ARHGAP20: variants seen among roughly 807,000 people sequenced by gnomAD.
ARHGAP20 encodes the protein Rho GTPase activating protein 20, also known as rho GTPase-activating protein 20.
A neutral mutation model predicts 73.7 loss-of-function variants in ARHGAP20; 34 were observed. That is an observed-to-expected ratio of 0.46 (90% CI 0.35 to 0.61). The LOEUF is 0.61. ARHGAP20 is among the 20% of genes least tolerant of loss of function. The pLI, the probability that ARHGAP20 is intolerant of heterozygous loss-of-function variation, is 0.00. For missense variants in ARHGAP20, 1,314 were observed against 1,420.9 expected (o/e 0.92, Z 1.21); for synonymous variants, 523 against 518.2 (o/e 1.01, Z -0.13).
chr11:110,641,249 G>A (rs1565453793), intron 2 of ARHGAP20, among the ~76,000 whole-genome samples: 2 of 151,816 alleles, frequency 1.3e-5, no homozygotes, highest in South Asian at 2.1e-4. Context: ...TAGAAGGAGA[G>A]AGTGAAGGTC....
At chr11:110,597,567 G>A (rs1404304640) in intron 9 of ARHGAP20, among the ~76,000 whole-genome samples, 1 of 151,962 alleles carries the variant, frequency 6.6e-6, no homozygotes, top group African/African-American at 2.4e-5. Flanking sequence ...CAAAGTGCTG[G>A]GATTACAGGC....
intron 9 of ARHGAP20, among the ~76,000 whole-genome samples, chr11:110,606,007 T>C (rs1948218316): frequency 6.6e-6 from 1 of 152,250 alleles, no homozygotes; most frequent in African/African-American, 2.4e-5. Context: ...TTCTCTTATA[T>C]TGAAGATCAC....
In ARHGAP20 at chr11:110,586,330, A is replaced by C. The variant is rs547961743; in HGVS notation, c.1306-5T>G. On this transcript the variant is annotated splice_region_variant and splice_polypyrimidine_tract_variant and intron_variant, in intron 11 of 14. Coordinates refer to ENST00000683387, the MANE Select transcript of ARHGAP20 (RefSeq NM_001384657.1). Reference sequence around the variant, plus strand: ...TGGAATATTTCGCAGAAAATCCTTAAATAGATGGAAAAACAAATATTTCAA... The same window carrying C: ...TGGAATATTTCGCAGAAAATCCTTACATAGATGGAAAAACAAATATTTCAA... The C allele has an allele frequency of 4.1e-5, 61 of 1,490,714 alleles. No homozygotes were observed. In the South Asian group the frequency reaches 7.6e-4, roughly 19 times the overall value. 92.3% of individuals were successfully genotyped at this position (1,490,714 alleles called of 1,614,324 possible). A position where few individuals can be genotyped will look rare whatever the true frequency, so the allele number is the denominator to read the frequency against.
In ARHGAP20 at chr11:110,580,394, T is replaced by A. The variant is rs1319159632; in HGVS notation, c.2552A>T (p.Glu851Val). Residue 851 changes from glutamate to valine, a missense_variant, in exon 15 of 15, where the codon GAA becomes GTA. Transcript: ENST00000683387. ...ATAGGTCAGCTTGCGGTTCTGGTCTTCTATGTTGGGCTCTGAGCAGCGCCG... is the reference window on the plus strand; with the variant it reads ...ATAGGTCAGCTTGCGGTTCTGGTCTACTATGTTGGGCTCTGAGCAGCGCCG... ...THRRCSEPNI[E>V]DQNRKLTYLR... 2.5e-6 allele frequency: 4 copies of A among 1,614,264 alleles called. No homozygotes were observed. The Admixed American group carries it at 6.7e-5, about 27-fold the overall frequency.
intron 2 of ARHGAP20, among the ~76,000 whole-genome samples, chr11:110,644,140 G>T (rs1720328221): frequency 1.3e-5 from 2 of 151,966 alleles, no homozygotes; most frequent in Admixed American, 1.3e-4. Context: ...CTACACTTTT[G>T]AAAGACATCT....
At chr11:110,690,691 T>G in intron 1 of ARHGAP20, 62 bp from the exon 2 acceptor site, 1 of 1,513,766 alleles carries the variant, frequency 6.6e-7, no homozygotes, top group South Asian at 1.1e-5. Flanking sequence ...AATGTTGATT[T>G]TTTTTTAAAT....
chr11:110,664,455 G>A (rs12289042), intron 2 of ARHGAP20, among the ~76,000 whole-genome samples: 4,034 of 152,162 alleles, frequency 0.027, 162 homozygotes, highest in African/African-American at 0.091. Flanking sequence ...GGGGCCAGGC[G>A]CAATGGCTCA....
At chr11:110,589,131 A>T (rs916104331) in intron 11 of ARHGAP20, among the ~76,000 whole-genome samples, 7 of 152,318 alleles carry the variant, frequency 4.6e-5, no homozygotes, top group African/African-American at 9.6e-5. Flanking sequence ...GATATATATA[A>T]AAAAGGAAAA....
chr11:110,653,105 A>G (rs1467484304), intron 2 of ARHGAP20, among the ~76,000 whole-genome samples: 2 of 152,218 alleles, frequency 1.3e-5, no homozygotes, highest in African/African-American at 2.4e-5. Flanking sequence ...GTAAAACCCC[A>G]AACTATAAAA....
At chr11:110,710,096 C>G (rs915132495) in intron 1 of ARHGAP20, among the ~76,000 whole-genome samples, 1 of 152,158 alleles carries the variant, frequency 6.6e-6, no homozygotes, top group Non-Finnish European at 1.5e-5. Flanking sequence ...AGATTTTTGG[C>G]TTGAACAACT....
rs1412811274 is a variant in ARHGAP20, at chr11:110,590,817, G to A, written c.1144-8C>T. 1.2e-6 allele frequency: 2 copies of A among 1,608,722 alleles called. No homozygotes were observed. The highest frequency in any genetic ancestry group is 8.5e-7 in the Non-Finnish European group (1 of 1,178,142). On this transcript the variant is annotated splice_region_variant and splice_polypyrimidine_tract_variant and intron_variant, in intron 10 of 14. Coordinates refer to ENST00000683387, the MANE Select transcript of ARHGAP20 (RefSeq NM_001384657.1). ...AAGAAAGAAAAGCATATCCTATGGGGAAGCAAAGGAAAATAAACAAAATGA... is the reference window on the plus strand; with the variant it reads ...AAGAAAGAAAAGCATATCCTATGGGAAAGCAAAGGAAAATAAACAAAATGA...
intron 4 of ARHGAP20, among the ~76,000 whole-genome samples, chr11:110,619,655 G>A (rs1948582493): frequency 6.6e-6 from 1 of 151,862 alleles, no homozygotes; most frequent in African/African-American, 2.4e-5. Flanking sequence ...TAGAGTATAT[G>A]TAGTGATAGA....
At chr11:110,711,002 A>C (rs1229896646) in intron 1 of ARHGAP20, among the ~76,000 whole-genome samples, 1 of 138,588 alleles carries the variant, frequency 7.2e-6, no homozygotes. Flanking sequence ...CACTAAGACA[A>C]GGCAAAAAAA....
chr11:110,585,228 A>T (rs28376023), intron 12 of ARHGAP20, among the ~76,000 whole-genome samples: 3,446 of 152,012 alleles, frequency 0.023, 115 homozygotes, highest in African/African-American at 0.073. Flanking sequence ...CTCATAAACG[A>T]TTTAAACAAA....
chr11:110,630,862 T>C (rs1948846379), intron 2 of ARHGAP20, 70 bp from the exon 3 acceptor site: 3 of 1,515,772 alleles, frequency 2.0e-6, no homozygotes, highest in African/African-American at 2.8e-5. Flanking sequence ...TACAAAATTC[T>C]GTAATTTTTT....
chr11:110,627,085 TA>T lies in ARHGAP20; in HGVS notation c.354-2775del, dbSNP rs1321349372. 4.1e-5 allele frequency among the ~76,000 whole-genome samples: 6 copies of T among 145,148 alleles called. No individual in the cohort carries two copies. The East Asian group carries it at 1.2e-3, about 28-fold the overall frequency. ...TATAAACAGACTGAACAAAACCCCC[TA>T]AAAATATATATATTTTTTTGAGACA... On this transcript the variant is annotated intron_variant, in intron 3 of 14. Transcript: ENST00000683387.
intron 3 of ARHGAP20, among the ~76,000 whole-genome samples, chr11:110,629,106 C>G (rs1156313438): frequency 1.3e-5 from 2 of 152,072 alleles, no homozygotes; most frequent in African/African-American, 4.8e-5. Flanking sequence ...AGTAAATAGT[C>G]TTTAAGATCT....
intron 1 of ARHGAP20, among the ~76,000 whole-genome samples, chr11:110,698,352 G>A (rs750008957): frequency 5.3e-5 from 8 of 151,736 alleles, no homozygotes; most frequent in South Asian, 2.1e-4. Flanking sequence ...CTGCATCTAC[G>A]TTCATCAGAG....
rs1947436853 is a variant in ARHGAP20 at position 110,580,724 on chromosome 11, T to A, written c.2222A>T (p.Asp741Val). The change falls in exon 15 of 15, where the codon GAC becomes GTC. Residue 741 changes from aspartate (D) to valine (V), a missense_variant. By Grantham distance (152) the Asp-to-Val change is radical (BLOSUM62 -3). Coordinates refer to ENST00000683387, the MANE Select transcript of ARHGAP20 (RefSeq NM_001384657.1). ...CDAILSQKDE[D>V]YLKQNQPLQE... ...GAGGGGTTGATTCTGCTTCAGATAG[T>A]CTTCATCTTTTTGAGAAAGAATTGC... 1.2e-6 allele frequency: 2 copies of A among 1,614,122 alleles called. No individual in the cohort carries two copies. The highest frequency in any genetic ancestry group is 1.7e-6 in the Non-Finnish European group (2 of 1,179,974).
Sources: allele counts gnomAD v4.1 joint callset (sites outside exome capture counted in the v4.1 genomes callset), GRCh38; gene constraint gnomAD v4.1.1; transcripts MANE v1.5; gene names NCBI Gene and HGNC (gene_info 2026-07-23, HGNC 2026-07-21).